Variants in CCDC178 observed in about 807,000 individuals in gnomAD.
CCDC178 encodes the protein coiled-coil domain containing 178, also known as coiled-coil domain-containing protein 178.
In CCDC178, 126 loss-of-function variants were observed where a neutral mutation model predicts 117.4. That is an observed-to-expected ratio of 1.07 (90% CI 0.93 to 1.24). CCDC178 has a LOEUF of 1.24. Ranked by LOEUF, CCDC178 falls within the 50% of genes most tolerant of loss-of-function variation. CCDC178 has a pLI of 0.00. For missense variants in CCDC178, 1,030 were observed against 986.9 expected (o/e 1.04, Z -0.59); for synonymous variants, 283 against 313.4 (o/e 0.90, Z 1.02).
chr18:33,102,424 T>TAAAA (rs36099291), intron 20 of CCDC178, among the ~76,000 whole-genome samples: 79 of 118,442 alleles, frequency 6.7e-4, no homozygotes, highest in Middle Eastern at 4.5e-3. Flanking sequence ...TGCTTTGAAG[T>TAAAA]AAAAAAAAAA....
At chr18:33,336,322 C>A (rs540726645) in intron 9 of CCDC178, among the ~76,000 whole-genome samples, 2 of 152,008 alleles carry the variant, frequency 1.3e-5, no homozygotes, top group Admixed American at 6.6e-5. Context: ...GTATCCTGTA[C>A]CCTACACATA....
intron 22 of CCDC178, among the ~76,000 whole-genome samples, chr18:32,971,196 C>T (rs1239776990): frequency 2.6e-5 from 4 of 151,916 alleles, no homozygotes; most frequent in Non-Finnish European, 5.9e-5. Flanking sequence ...ACTACAGGCC[C>T]TGGTTTGTGT....
chr18:33,156,984 T>C (rs952913091), intron 20 of CCDC178, among the ~76,000 whole-genome samples: 1 of 152,232 alleles, frequency 6.6e-6, no homozygotes. Context: ...GTTAAAACTT[T>C]GTATCCAACA....
chr18:33,415,192 C>T (rs1343253540), intron 2 of CCDC178, among the ~76,000 whole-genome samples: 2 of 152,170 alleles, frequency 1.3e-5, no homozygotes, highest in Admixed American at 1.3e-4. Flanking sequence ...CCAGCCATCC[C>T]ATTACTGGGT....
chr18:33,408,313 C>T lies in CCDC178; in HGVS notation c.58+3718G>A, dbSNP rs919175513. On this transcript the variant is annotated intron_variant, in intron 3 of 22. Transcript: ENST00000383096. The stretch of plus-strand genomic sequence containing the variant: ...AATCATGAACAGGAAGATGTGTGCA[C>T]ATTTTAGTCACCTTCATTCAACAGG... Among the ~76,000 whole-genome samples the T allele has an allele frequency of 1.3e-4, 19 of 151,064 alleles. No homozygotes were observed. The East Asian group carries it at 2.7e-3, about 22-fold the overall frequency.
chr18:33,128,762 C>G (rs1568006100), intron 20 of CCDC178, among the ~76,000 whole-genome samples: 1 of 152,122 alleles, frequency 6.6e-6, no homozygotes, highest in African/African-American at 2.4e-5. Flanking sequence ...AACATTTTAC[C>G]CCGCACCAGG....
intron 5 of CCDC178, among the ~76,000 whole-genome samples, chr18:33,378,502 C>T (rs908856990): frequency 6.6e-6 from 1 of 152,118 alleles, no homozygotes; most frequent in Admixed American, 6.6e-5. Flanking sequence ...AATGGGCATG[C>T]TCATCTTCTT....
chr18:33,165,374 G>A (rs1465848514), intron 20 of CCDC178, among the ~76,000 whole-genome samples: 1 of 152,048 alleles, frequency 6.6e-6, no homozygotes, highest in Non-Finnish European at 1.5e-5. Context: ...ATTGTATTAG[G>A]TATTAGAAGT....
intron 21 of CCDC178, among the ~76,000 whole-genome samples, chr18:32,979,720 T>C (rs2055107559): frequency 6.6e-6 from 1 of 152,164 alleles, no homozygotes; most frequent in Non-Finnish European, 1.5e-5. Context: ...TGAAAGTTGA[T>C]CTAAAATTCA....
At chr18:33,121,911 T>G (rs140877193) in intron 20 of CCDC178, among the ~76,000 whole-genome samples, 1 of 152,214 alleles carries the variant, frequency 6.6e-6, no homozygotes, top group Non-Finnish European at 1.5e-5. Context: ...TTAGGTATAT[T>G]TAGAAAGACA....
intron 20 of CCDC178, among the ~76,000 whole-genome samples, chr18:33,122,598 A>C (rs1213550250): frequency 6.6e-6 from 1 of 152,166 alleles, no homozygotes; most frequent in Non-Finnish European, 1.5e-5. Context: ...TAATTATGTG[A>C]GATCATAGTC....
chr18:33,261,273 C>T (rs1306823455), intron 14 of CCDC178, among the ~76,000 whole-genome samples: 13 of 151,910 alleles, frequency 8.6e-5, no homozygotes, highest in East Asian at 1.9e-4. Flanking sequence ...TTAGTAGAGA[C>T]GGGGTTTCAC....
intron 2 of CCDC178, among the ~76,000 whole-genome samples, chr18:33,431,701 C>A (rs897012655): frequency 1.3e-5 from 2 of 152,142 alleles, no homozygotes; most frequent in African/African-American, 4.8e-5. Flanking sequence ...CCCTCCTCCA[C>A]CCCAAATAGC....
chr18:33,072,597 T>G lies in CCDC178; in HGVS notation c.2388+20164A>C, dbSNP rs572565887. ...GTGTATTGACTTAAGATGTCCTTAA[T>G]GGAAAGAAGAATAAAATGTCTTCAT... On this transcript the variant is annotated intron_variant, in intron 21 of 22. Coordinates refer to ENST00000383096, the MANE Select transcript of CCDC178 (RefSeq NM_001105528.4). 6.6e-5 allele frequency among the ~76,000 whole-genome samples: 10 copies of G among 152,302 alleles called. No individual in the cohort carries two copies. The South Asian group carries it at 2.1e-3, about 32-fold the overall frequency.
chr18:33,114,271 G>T (rs271560), intron 20 of CCDC178, among the ~76,000 whole-genome samples: 24,309 of 151,934 alleles, frequency 0.16, 2,722 homozygotes, highest in African/African-American at 0.32. Flanking sequence ...GAAGAGGCCA[G>T]ATGTCAGAGA....
At chr18:33,021,093 C>G (rs1050378603) in intron 21 of CCDC178, among the ~76,000 whole-genome samples, 1 of 152,124 alleles carries the variant, frequency 6.6e-6, no homozygotes, top group East Asian at 1.9e-4. Context: ...AAACAGCAAC[C>G]AACATTACAT....
intron 21 of CCDC178, among the ~76,000 whole-genome samples, chr18:33,024,431 A>G (rs575822427): frequency 6.6e-6 from 1 of 151,976 alleles, no homozygotes; most frequent in East Asian, 1.9e-4. Flanking sequence ...TGTGCCTCCA[A>G]ATTTCCTCTT....
chr18:33,032,552 A>T (rs2056363705), intron 21 of CCDC178, among the ~76,000 whole-genome samples: 1 of 152,050 alleles, frequency 6.6e-6, no homozygotes, highest in Non-Finnish European at 1.5e-5. Flanking sequence ...TTACAAATTG[A>T]TTTAAAATGT....
At chr18:33,170,430 C>A (rs2058584722) in intron 20 of CCDC178, among the ~76,000 whole-genome samples, 1 of 151,962 alleles carries the variant, frequency 6.6e-6, no homozygotes, top group South Asian at 2.1e-4. Flanking sequence ...ATTAAAGGAA[C>A]TTATTAAAAC....
Sources: gnomAD v4.1 joint callset for allele counts (sites outside exome capture counted in the v4.1 genomes callset) on GRCh38, gnomAD v4.1.1 for gene constraint, MANE v1.5 for transcripts, NCBI Gene and HGNC (gene_info 2026-07-23, HGNC 2026-07-21) for gene names.